Variants in SNCAIP observed in about 807,000 individuals in gnomAD.
SNCAIP encodes the protein synphilin-1.
A neutral mutation model predicts 86.7 loss-of-function variants in SNCAIP; 43 were observed. The observed-to-expected ratio is 0.50, with a 90% CI of 0.39 to 0.64. SNCAIP has a LOEUF of 0.64. Ranked by LOEUF, SNCAIP falls within the 30% of genes least tolerant of loss-of-function variation. The pLI is 0.00. For synonymous variants in SNCAIP, 417 were observed against 427.2 expected (o/e 0.98, Z 0.29); for missense variants, 981 against 1,103.1 (o/e 0.89, Z 1.57).
At chr5:122,414,575 A>G (rs924371636) in intron 3 of SNCAIP, among the ~76,000 whole-genome samples, 5 of 152,194 alleles carry the variant, frequency 3.3e-5, no homozygotes, top group Admixed American at 3.3e-4. Context: ...GGTTCCTAGT[A>G]AATGGTTACC....
intron 1 of SNCAIP, among the ~76,000 whole-genome samples, chr5:122,358,383 A>AGG (rs1256834791): frequency 2.5e-5 from 3 of 119,310 alleles, no homozygotes; most frequent in African/African-American, 9.9e-5. Context: ...AGGCCCTGTA[A>AGG]GGGGACACTT....
intron 10 of SNCAIP, chr5:122,451,811 G>A: frequency 1.8e-6 from 1 of 542,724 alleles, no homozygotes; most frequent in Non-Finnish European, 3.2e-6. Flanking sequence ...AATACTCTAA[G>A]AGAGAAAGGT....
intron 1 of SNCAIP, among the ~76,000 whole-genome samples, chr5:122,351,536 CAAAAAAA>C (rs541191012): frequency 0.033 from 1,218 of 36,518 alleles, 11 homozygotes; most frequent in African/African-American, 0.096. Flanking sequence ...GACTCTGTAT[CAAAAAAA>C]AAAAAAAAAA....
intron 1 of SNCAIP, among the ~76,000 whole-genome samples, chr5:122,356,108 T>C (rs967917025): frequency 4.0e-5 from 6 of 148,756 alleles, no homozygotes; most frequent in African/African-American, 1.5e-4. Flanking sequence ...TTTTTTTTTT[T>C]TTTTTTTTTG....
intron 1 of SNCAIP, among the ~76,000 whole-genome samples, chr5:122,386,114 G>T (rs1371863676): frequency 2.0e-5 from 3 of 152,120 alleles, no homozygotes; most frequent in Non-Finnish European, 4.4e-5. Flanking sequence ...AGGAAATTTT[G>T]TTGGCCACTA....
chr5:122,339,581 C>T (rs6859705), intron 1 of SNCAIP, among the ~76,000 whole-genome samples: 275 of 152,276 alleles, frequency 1.8e-3, no homozygotes, highest in African/African-American at 6.2e-3. Context: ...TGGACACCAC[C>T]TTCCTTATTC....
chr5:122,415,785 T>C (rs1271661734), intron 3 of SNCAIP, among the ~76,000 whole-genome samples: 1 of 152,204 alleles, frequency 6.6e-6, no homozygotes, highest in Non-Finnish European at 1.5e-5. Context: ...GCATCTCAAA[T>C]GGTGAGCCTT....
In SNCAIP at chr5:122,448,611, A is replaced by T. The variant is rs971194819; in HGVS notation, c.1593-1234A>T. Among the ~76,000 whole-genome samples, 20 of 140,202 alleles carry T rather than the reference A, an allele frequency of 1.4e-4. No homozygotes were observed. In the East Asian group the frequency reaches 3.5e-3, roughly 25 times the overall value. 92.0% of individuals were successfully genotyped at this position (140,202 alleles called of 152,430 possible). ...ATATATTTTTATATATATTATATATATTTTTATATATATAATATATATTAT... is the reference window on the plus strand; with the variant it reads ...ATATATTTTTATATATATTATATATTTTTTTATATATATAATATATATTAT... On this transcript the variant is annotated intron_variant, in intron 8 of 10. Coordinates refer to ENST00000261368, the MANE Select transcript of SNCAIP (RefSeq NM_005460.4).
intron 1 of SNCAIP, among the ~76,000 whole-genome samples, chr5:122,366,240 T>G (rs1023139633): frequency 1.3e-5 from 2 of 152,174 alleles, no homozygotes; most frequent in African/African-American, 4.8e-5. Flanking sequence ...AAAAGGTCTA[T>G]TACCACCCAC....
At chr5:122,441,715 T>A (rs1780974087) in intron 7 of SNCAIP, among the ~76,000 whole-genome samples, 1 of 152,100 alleles carries the variant, frequency 6.6e-6, no homozygotes, top group South Asian at 2.1e-4. Context: ...AATTGATCTT[T>A]CCACCTTGAA....
In SNCAIP at chr5:122,449,908, A is replaced by T; in HGVS notation, c.1656A>T (p.Ser552=). The T allele has an allele frequency of 6.2e-7, 1 of 1,613,566 alleles. No individual in the cohort carries two copies. The highest frequency in any genetic ancestry group is 2.2e-5 in the East Asian group (1 of 44,854). The change falls in exon 9 of 11, where the codon TCA becomes TCT. Residue 552 remains serine (S), a synonymous_variant. Coordinates refer to ENST00000261368, the MANE Select transcript of SNCAIP (RefSeq NM_005460.4). ...AACAATTTCTAGAAGCCCAGAAATC[A>T]GAGGGCAAGTCACTCCCTTCTTCAC... The part of the protein sequence containing the change: ...QLQQFLEAQK[S]EGKSLPSSPS...
At chr5:122,445,375 A>G (rs1782051726) in intron 8 of SNCAIP, among the ~76,000 whole-genome samples, 2 of 152,162 alleles carry the variant, frequency 1.3e-5, no homozygotes, top group Admixed American at 6.5e-5. Context: ...GTGTCAGGGA[A>G]GTATTTCTGG....
At chr5:122,334,355 C>T (rs572316028) in intron 1 of SNCAIP, among the ~76,000 whole-genome samples, 1 of 152,096 alleles carries the variant, frequency 6.6e-6, no homozygotes, top group South Asian at 2.1e-4. Flanking sequence ...GAGATCTGAA[C>T]CCTGGGAACC....
intron 7 of SNCAIP, among the ~76,000 whole-genome samples, chr5:122,442,911 G>GAA (rs3842595): frequency 6.6e-6 from 1 of 150,880 alleles, no homozygotes; most frequent in East Asian, 1.9e-4. Flanking sequence ...GAAATTTAAA[G>GAA]AAAAAAAAAG....
intron 3 of SNCAIP, among the ~76,000 whole-genome samples, chr5:122,410,381 G>A (rs1773873989): frequency 6.6e-6 from 1 of 152,180 alleles, no homozygotes. Flanking sequence ...CCCCTCTGTG[G>A]AAAAGGAGAG....
intron 3 of SNCAIP, among the ~76,000 whole-genome samples, chr5:122,404,279 G>A (rs908875138): frequency 2.6e-5 from 4 of 152,090 alleles, no homozygotes; most frequent in African/African-American, 4.8e-5. Flanking sequence ...TGCCAAAGTC[G>A]GAAACCCTAT....
intron 1 of SNCAIP, among the ~76,000 whole-genome samples, chr5:122,346,038 G>A (rs1758563746): frequency 6.6e-6 from 1 of 152,062 alleles, no homozygotes; most frequent in South Asian, 2.1e-4. Flanking sequence ...AGAGGAGAGG[G>A]CTGCCAATTA....
intron 6 of SNCAIP, among the ~76,000 whole-genome samples, chr5:122,434,177 T>C (rs1425453435): frequency 6.6e-6 from 1 of 152,196 alleles, no homozygotes; most frequent in Non-Finnish European, 1.5e-5. Context: ...ATTGTGTGAA[T>C]AGTTATTTCA....
rs1395716215 is a variant in SNCAIP, at chr5:122,451,549, C to T, written c.2702C>T (p.Thr901Ile). 2 of 1,613,654 alleles carry T rather than the reference C, an allele frequency of 1.2e-6. No homozygotes were observed. Among genetic ancestry groups the T allele is most frequent in the African/African-American group, 2.7e-5 (2 of 74,924 alleles). ...TLPLTSLGRK[T>I]DAKGNPASSA... ...CCCTTGACCTCACTTGGGAGGAAGA[C>T]AGATGCCAAGGGAAACCCTGCCAGC... Residue 901 changes from threonine (T) to isoleucine (I), a missense_variant, in exon 10 of 11, where the codon ACA becomes ATA. Transcript: ENST00000261368.
Sources: allele counts gnomAD v4.1 joint callset (sites outside exome capture counted in the v4.1 genomes callset), GRCh38; gene constraint gnomAD v4.1.1; transcripts MANE v1.5; gene names NCBI Gene and HGNC (gene_info 2026-07-23, HGNC 2026-07-21).